DOK6: variants seen among roughly 807,000 people sequenced by gnomAD.
The protein encoded by DOK6 is docking protein 6.
DOK6 carries 22 observed loss-of-function variants against 44.0 expected under a neutral mutation model. The ratio of observed to expected loss-of-function variants is 0.50; its 90% CI spans 0.36 to 0.71. DOK6 has a LOEUF of 0.71. Ranked by LOEUF, DOK6 falls within the 30% of genes least tolerant of loss-of-function variation. The pLI, the probability that DOK6 is intolerant of heterozygous loss-of-function variation, is 0.00. For missense variants in DOK6, 340 were observed against 416.4 expected, an observed-to-expected ratio of 0.82 and a Z score of 1.60; for synonymous variants, 166 against 145.5, an observed-to-expected ratio of 1.14 and a Z score of -1.01.
chr18:69,490,352 A>C (rs1980701514), intron 1 of DOK6, among the ~76,000 whole-genome samples: 1 of 152,200 alleles, frequency 6.6e-6, no homozygotes, highest in South Asian at 2.1e-4. Context: ...GTTTGGCTAA[A>C]TTTGAATTGT....
At chr18:69,748,015 G>C (rs1246270465) in intron 6 of DOK6, among the ~76,000 whole-genome samples, 2 of 152,038 alleles carry the variant, frequency 1.3e-5, no homozygotes, top group South Asian at 4.2e-4. Context: ...TACATGCAAA[G>C]ACACACATAG....
chr18:69,766,811 C>CT, intron 7 of DOK6, among the ~76,000 whole-genome samples: 1 of 152,246 alleles, frequency 6.6e-6, no homozygotes, highest in East Asian at 1.9e-4. Flanking sequence ...TATGACGTTT[C>CT]TTTTTTCTGG....
At chr18:69,579,377 A>T (rs886547004) in intron 2 of DOK6, among the ~76,000 whole-genome samples, 2 of 152,198 alleles carry the variant, frequency 1.3e-5, no homozygotes, top group Non-Finnish European at 2.9e-5. Flanking sequence ...CTATAATATT[A>T]AAATGTAACT....
intron 1 of DOK6, 47 bp downstream of exon 1, chr18:69,401,357 C>A: frequency 7.0e-7 from 1 of 1,421,296 alleles, no homozygotes; most frequent in Non-Finnish European, 9.2e-7. Flanking sequence ...TCGTTCGGCC[C>A]GGCTGGCTGC....
intron 2 of DOK6, among the ~76,000 whole-genome samples, chr18:69,565,519 GTGTATA>G (rs1439055882): frequency 5.3e-3 from 31 of 5,806 alleles, no homozygotes; most frequent in African/African-American, 1.0e-2. Context: ...GTGTGTGTGT[GTGTATA>G]TATATATACA....
At chr18:69,489,757 C>T (rs910708073) in intron 1 of DOK6, among the ~76,000 whole-genome samples, 1 of 152,006 alleles carries the variant, frequency 6.6e-6, no homozygotes, top group Non-Finnish European at 1.5e-5. Flanking sequence ...TAATTTTGGC[C>T]ATACACGATT....
At chr18:69,583,784 A>C (rs1983424519) in intron 2 of DOK6, among the ~76,000 whole-genome samples, 1 of 149,862 alleles carries the variant, frequency 6.7e-6, no homozygotes, top group Non-Finnish European at 1.5e-5. Context: ...GCGTTATCTT[A>C]AATATTATTC....
At chr18:69,787,753 A>G (rs931111880) in intron 7 of DOK6, among the ~76,000 whole-genome samples, 2 of 152,190 alleles carry the variant, frequency 1.3e-5, no homozygotes, top group African/African-American at 4.8e-5. Flanking sequence ...AGACAGATAC[A>G]TGAAGGGAAG....
At chr18:69,640,084 G>A (rs1984904338) in intron 3 of DOK6, among the ~76,000 whole-genome samples, 1 of 152,120 alleles carries the variant, frequency 6.6e-6, no homozygotes, top group Non-Finnish European at 1.5e-5. Flanking sequence ...ATACACAAAT[G>A]TCAGGTTAAC....
rs575812117 is a variant in DOK6 at position 69,796,747 on chromosome 18, A to G, written c.856+38874A>G. ...CATGTCCAGAAAAGAGGCACAGTCA[A>G]TCTCCACAACTGTGAAGCCAGCTGC... On this transcript the variant is annotated intron_variant, in intron 7 of 7. Coordinates refer to ENST00000382713, the MANE Select transcript of DOK6 (RefSeq NM_152721.6). Among the ~76,000 whole-genome samples, 167 of 152,092 alleles carry G rather than the reference A, an allele frequency of 1.1e-3. 1 individual carries two copies. Among genetic ancestry groups the G allele is most frequent in the African/African-American group, 3.9e-3 (161 of 41,382 alleles).
chr18:69,485,378 A>G (rs1330998149), intron 1 of DOK6, among the ~76,000 whole-genome samples: 1 of 152,152 alleles, frequency 6.6e-6, no homozygotes, highest in Non-Finnish European at 1.5e-5. Context: ...AAGTCTCTTA[A>G]CAGATAGGAG....
chr18:69,459,187 TTGTGTGTGTGTGTGTGTGTG>T lies in DOK6; in HGVS notation c.66+57904_66+57923del, dbSNP rs71176967. On this transcript the variant is annotated intron_variant, in intron 1 of 7. Transcript: ENST00000382713. ...GTGAGAAATCTCAAAAAAAAATATT[TTGTGTGTGTGTGTGTGTGTG>T]TGTGTGTGTGTGTGTGTGTGTGTGT... Among the ~76,000 whole-genome samples the T allele has an allele frequency of 5.0e-3, 685 of 136,970 alleles. 3 individuals are homozygous for T. The highest frequency in any genetic ancestry group is 0.012 in the South Asian group (47 of 4,076). 89.9% of individuals were successfully genotyped at this position (136,970 alleles called of 152,430 possible). A position where few individuals can be genotyped will look rare whatever the true frequency, so the allele number is the denominator to read the frequency against.
chr18:69,774,594 T>C (rs561355497), intron 7 of DOK6, among the ~76,000 whole-genome samples: 1 of 152,108 alleles, frequency 6.6e-6, no homozygotes, highest in South Asian at 2.1e-4. Flanking sequence ...AAAAACTGAA[T>C]TGTGAAAGTG....
At chr18:69,763,019 G>C (rs1341532471) in intron 7 of DOK6, among the ~76,000 whole-genome samples, 2 of 151,922 alleles carry the variant, frequency 1.3e-5, no homozygotes, top group Non-Finnish European at 2.9e-5. Context: ...TCCTCAATTG[G>C]AGAATAAGAA....
intron 1 of DOK6, among the ~76,000 whole-genome samples, chr18:69,455,929 A>G (rs11875495): frequency 0.092 from 13,638 of 148,782 alleles, 1,556 homozygotes; most frequent in East Asian, 0.32. Context: ...TGAAATGCCA[A>G]TTCTCTAAAG....
chr18:69,759,914 G>C (rs1014415025), intron 7 of DOK6, among the ~76,000 whole-genome samples: 38 of 152,118 alleles, frequency 2.5e-4, no homozygotes, highest in African/African-American at 9.2e-4. Context: ...TTTATAAAAT[G>C]TATTCAACGG....
rs547828796 is a variant in DOK6 at position 69,692,111 on chromosome 18, A to C, written c.410-6293A>C. Among the ~76,000 whole-genome samples the C allele has an allele frequency of 2.6e-5, 4 of 152,310 alleles. No individual in the cohort carries two copies. The South Asian group carries it at 6.2e-4, about 24-fold the overall frequency. Reference sequence around the variant, plus strand: ...AAAGAAAGTGGGGCGGTGGGGAGTCACCGTGGAAAGACGGTGATGGAACAA... The same window carrying C: ...AAAGAAAGTGGGGCGGTGGGGAGTCCCCGTGGAAAGACGGTGATGGAACAA... On this transcript the variant is annotated intron_variant, in intron 4 of 7. Transcript: ENST00000382713.
At chr18:69,649,915 G>A (rs945882361) in intron 3 of DOK6, among the ~76,000 whole-genome samples, 1 of 152,028 alleles carries the variant, frequency 6.6e-6, no homozygotes, top group African/African-American at 2.4e-5. Context: ...CAATAATCAT[G>A]ATTTTTTAAA....
intron 1 of DOK6, among the ~76,000 whole-genome samples, chr18:69,508,373 A>G (rs1195208413): frequency 6.6e-6 from 1 of 152,198 alleles, no homozygotes; most frequent in Non-Finnish European, 1.5e-5. Flanking sequence ...TCCTCAAGGA[A>G]TTACTTGAGA....
Sources: allele counts gnomAD v4.1 joint callset (sites outside exome capture counted in the v4.1 genomes callset), GRCh38; gene constraint gnomAD v4.1.1; transcripts MANE v1.5; gene names NCBI Gene and HGNC (gene_info 2026-07-23, HGNC 2026-07-21).